Variants in BCL2L15 observed in about 807,000 individuals in gnomAD.
The protein encoded by BCL2L15 is BCL2 like 15, also known as bcl-2-like protein 15.
A neutral mutation model predicts 18.3 loss-of-function variants in BCL2L15; 15 were observed. The ratio of observed to expected loss-of-function variants is 0.82; its 90% confidence interval spans 0.55 to 1.26. BCL2L15 has a LOEUF of 1.26. Among genes scored for constraint, BCL2L15 ranks in the 50% most tolerant of loss-of-function variants. The pLI is 0.00. For synonymous variants in BCL2L15, 58 were observed against 68.5 expected, an observed-to-expected ratio of 0.85 and a Z score of 0.76; for missense variants, 180 against 201.7, an observed-to-expected ratio of 0.89 and a Z score of 0.65.
At chr1:113,881,568 A>G (rs1052063100) in intron 3 of BCL2L15, 11 of 1,412,684 alleles carry the variant, frequency 7.8e-6, no homozygotes, top group African/African-American at 1.4e-5. Flanking sequence ...TTAAGGTAGC[A>G]TGACTCGAGT....
chr1:113,879,479 A>G lies in BCL2L15; in HGVS notation c.*1644T>C, dbSNP rs1261025297. On this transcript the variant is annotated 3_prime_UTR_variant, in exon 4 of 4. Coordinates refer to ENST00000393316, the MANE Select transcript of BCL2L15 (RefSeq NM_001010922.3). The stretch of plus-strand genomic sequence containing the variant: ...CTCACTTGTAGGGCCAGAGAAATGG[A>G]CTACTCAGGAGCTACAGAGCTCTCT... 3 of 152,366 alleles carry G rather than the reference A, an allele frequency of 2.0e-5. No homozygotes were observed. Among genetic ancestry groups the G allele is most frequent in the Non-Finnish European group, 2.9e-5 (2 of 68,052 alleles). The allele number at this position is 152,366 out of a possible 1,614,324, so 9.4% of individuals were successfully genotyped here.
chr1:113,886,441 G>C lies in BCL2L15; in HGVS notation c.249+96C>G, dbSNP rs959406826. On this transcript the variant is annotated intron_variant, in intron 2 of 3. Coordinates refer to ENST00000393316, the MANE Select transcript of BCL2L15 (RefSeq NM_001010922.3). ...ATATAAGCACCCAAATATTTTCATA[G>C]AACATTCCTAGTCACTGTAGTATGG... 5 of 1,266,778 alleles carry C rather than the reference G, an allele frequency of 3.9e-6. No homozygotes were observed. In the African/African-American group the frequency reaches 7.6e-5, roughly 19 times the overall value. The allele number at this position is 1,266,778 out of a possible 1,614,324, so 78.5% of individuals were successfully genotyped here.
chr1:113,884,752 C>G (rs1283993790), intron 2 of BCL2L15, among the ~76,000 whole-genome samples: 1 of 151,476 alleles, frequency 6.6e-6, no homozygotes, highest in Non-Finnish European at 1.5e-5. Flanking sequence ...AAAACAAGTT[C>G]AAGTCAAATT....
Position 113,887,271 on chromosome 1 carries a change from G to C in BCL2L15, c.105C>G (p.Cys35Trp). ...PTLQVASRNL[C>W]CVDEVDSGEP... ...TACCTGAATCTACTTCATCTACACA[G>C]CATAGGTTCCGGCTGGCAACCTGCA... The change falls in exon 1 of 4, where the codon TGC (cysteine) becomes TGG (tryptophan). Residue 35 changes from cysteine (C) to tryptophan (W), a missense_variant. Physicochemically the swap from Cys to Trp is radical, Grantham distance 215. Coordinates refer to ENST00000393316, the MANE Select transcript of BCL2L15 (RefSeq NM_001010922.3). 6.2e-7 allele frequency: 1 copy of C among 1,614,124 alleles called. No individual in the cohort carries two copies. The highest frequency in any genetic ancestry group is 1.1e-5 in the South Asian group (1 of 91,076).
At position 113,887,495 on chromosome 1, in the gene BCL2L15, T is replaced by C; in HGVS notation, c.-120A>G. 7.2e-7 allele frequency: 1 copy of C among 1,393,642 alleles called. No homozygotes were observed. Among genetic ancestry groups the C allele is most frequent in the Non-Finnish European group, 9.9e-7 (1 of 1,012,712 alleles). The allele number at this position is 1,393,642 out of a possible 1,614,324, so 86.3% of individuals were successfully genotyped here. A position where few individuals can be genotyped will look rare whatever the true frequency, so the allele number is the denominator to read the frequency against. ...CTACCTCTTGTAGTTTCCTGACATGTAATCCTGGAACTTTTCCCACTAGCT... is the reference window on the plus strand; with the variant it reads ...CTACCTCTTGTAGTTTCCTGACATGCAATCCTGGAACTTTTCCCACTAGCT... On this transcript the variant is annotated 5_prime_UTR_variant, in exon 1 of 4. Transcript: ENST00000393316.
chr1:113,886,959 G>A (rs1667055746), intron 1 of BCL2L15, among the ~76,000 whole-genome samples: 1 of 150,736 alleles, frequency 6.6e-6, no homozygotes, highest in East Asian at 1.9e-4. Flanking sequence ...GTGCAGTGGC[G>A]TGATCTCAGC....
chr1:113,887,310 G>A lies in BCL2L15; in HGVS notation c.66C>T (p.Phe22=), dbSNP rs185505258. 3.2e-5 allele frequency: 51 copies of A among 1,614,204 alleles called. No homozygotes were observed. Among genetic ancestry groups the A allele is most frequent in the Admixed American group, 2.7e-4 (16 of 60,024 alleles). The change falls in exon 1 of 4, where the codon TTC becomes TTT. Residue 22 remains phenylalanine, a synonymous_variant. Coordinates refer to ENST00000393316, the MANE Select transcript of BCL2L15 (RefSeq NM_001010922.3). ...TGGCAACCTGCAATGTTGGGCTCAAGAAGTCCATGAGTAGAGTGTTCACAA... is the reference window on the plus strand; with the variant it reads ...TGGCAACCTGCAATGTTGGGCTCAAAAAGTCCATGAGTAGAGTGTTCACAA... The part of the protein sequence containing the change: ...ECIVNTLLMD[F]LSPTLQVASR...
chr1:113,887,378 T>C lies in BCL2L15; in HGVS notation c.-3A>G, dbSNP rs1312619429. On this transcript the variant is annotated 5_prime_UTR_variant, in exon 1 of 4. Transcript: ENST00000393316. ...TCAAAAGTTTGGGAGCTCTTCATTT[T>C]AGATGTTTGCTGTCAAGTTTTGCTT... 1 of 1,614,018 alleles carries C rather than the reference T, an allele frequency of 6.2e-7. No individual in the cohort carries two copies. Among genetic ancestry groups the C allele is most frequent in the African/African-American group, 1.3e-5 (1 of 74,930 alleles).
chr1:113,884,064 A>T (rs983111673), intron 2 of BCL2L15, among the ~76,000 whole-genome samples: 1 of 152,168 alleles, frequency 6.6e-6, no homozygotes, highest in Non-Finnish European at 1.5e-5. Flanking sequence ...TTTTGATGAG[A>T]TGTGGGATAT....
In BCL2L15 at chr1:113,880,588, T is replaced by G. The variant is rs1220504339; in HGVS notation, c.*535A>C. Reference sequence around the variant, plus strand: ...TTGCAGTGAGCTGAGATCGCACCACTGCACTCCAGCCTGGGTGACAGAGTG... The same window carrying G: ...TTGCAGTGAGCTGAGATCGCACCACGGCACTCCAGCCTGGGTGACAGAGTG... On this transcript the variant is annotated 3_prime_UTR_variant, in exon 4 of 4. Transcript: ENST00000393316. 6.5e-6 allele frequency: 1 copy of G among 153,554 alleles called. No homozygotes were observed. Among genetic ancestry groups the G allele is most frequent in the Non-Finnish European group, 1.4e-5 (1 of 69,392 alleles). 9.5% of individuals were successfully genotyped at this position (153,554 alleles called of 1,614,324 possible).
rs141500080 is a variant in BCL2L15, at chr1:113,878,726, G to C, written c.*2397C>G. 2.6e-3 allele frequency: 389 copies of C among 152,374 alleles called. 2 individuals carry two copies. The highest frequency in any genetic ancestry group is 8.9e-3 in the African/African-American group (371 of 41,528). The allele number at this position is 152,374 out of a possible 1,614,324, so 9.4% of individuals were successfully genotyped here. Reference sequence around the variant, plus strand: ...TTATAGTAACATAAGGGACAAAGGAGTACAAGTTTCTTAACTGGTAGCCAA... The same window carrying C: ...TTATAGTAACATAAGGGACAAAGGACTACAAGTTTCTTAACTGGTAGCCAA... On this transcript the variant is annotated 3_prime_UTR_variant, in exon 4 of 4. Transcript: ENST00000393316.
rs377157820 is a variant in BCL2L15, at chr1:113,879,501, C to A, written c.*1622G>T. ...TGGACTACTCAGGAGCTACAGAGCT[C>A]TCTGATTGGCTGAAGACCCAGAGAA... is the stretch of plus-strand genomic sequence containing the variant. On this transcript the variant is annotated 3_prime_UTR_variant, in exon 4 of 4. Coordinates refer to ENST00000393316, the MANE Select transcript of BCL2L15 (RefSeq NM_001010922.3). 1 of 152,330 alleles carries A rather than the reference C, an allele frequency of 6.6e-6. No individual in the cohort carries two copies. Among genetic ancestry groups the A allele is most frequent in the East Asian group, 1.9e-4 (1 of 5,336 alleles). 9.4% of individuals were successfully genotyped at this position (152,330 alleles called of 1,614,324 possible).
chr1:113,883,708 C>T (rs1294545204), intron 2 of BCL2L15, among the ~76,000 whole-genome samples: 4 of 152,052 alleles, frequency 2.6e-5, no homozygotes, highest in African/African-American at 9.7e-5. Flanking sequence ...TGCTTGAATC[C>T]GAGAGGCAGG....
Position 113,880,970 on chromosome 1 carries a change from TAACA to T in BCL2L15, c.*149_*152del, listed in dbSNP as rs1666862051. On this transcript the variant is annotated 3_prime_UTR_variant, in exon 4 of 4. Coordinates refer to ENST00000393316, the MANE Select transcript of BCL2L15 (RefSeq NM_001010922.3). ...GGCCTCTGGCAGCTGCTCCCAACTT[TAACA>T]ATCAGTAAAAAATAACTTATTCAGC... 1 of 1,133,932 alleles carries T rather than the reference TAACA, an allele frequency of 8.8e-7. No homozygotes were observed. The highest frequency in any genetic ancestry group is 1.6e-5 in the African/African-American group (1 of 64,480). 70.2% of individuals were successfully genotyped at this position (1,133,932 alleles called of 1,614,324 possible).
At chr1:113,887,186 C>G in intron 1 of BCL2L15, 63 bp downstream of exon 1, 1 of 1,512,488 alleles carries the variant, frequency 6.6e-7, no homozygotes, top group Non-Finnish European at 9.1e-7. Context: ...GAATCAGTCA[C>G]TGCGCCCGGC....
Position 113,879,793 on chromosome 1 carries a change from G to A in BCL2L15, c.*1330C>T, listed in dbSNP as rs932679003. On this transcript the variant is annotated 3_prime_UTR_variant, in exon 4 of 4. Transcript: ENST00000393316. ...AACTCTGCCATTGTAGCACAAAAGCGGCCATGGACAATATGTAAACAAGTG... is the reference window on the plus strand; with the variant it reads ...AACTCTGCCATTGTAGCACAAAAGCAGCCATGGACAATATGTAAACAAGTG... 1.3e-5 allele frequency: 2 copies of A among 152,104 alleles called. No homozygotes were observed. Among genetic ancestry groups the A allele is most frequent in the East Asian group, 1.9e-4 (1 of 5,208 alleles). 9.4% of individuals were successfully genotyped at this position (152,104 alleles called of 1,614,324 possible).
At chr1:113,884,337 C>T (rs901291978) in intron 2 of BCL2L15, among the ~76,000 whole-genome samples, 1 of 152,158 alleles carries the variant, frequency 6.6e-6, no homozygotes, top group African/African-American at 2.4e-5. Flanking sequence ...AAGGGACATT[C>T]AACAAGATAG....
At chr1:113,882,755 A>T (rs1666916236) in intron 2 of BCL2L15, among the ~76,000 whole-genome samples, 1 of 152,088 alleles carries the variant, frequency 6.6e-6, no homozygotes, top group South Asian at 2.1e-4. Flanking sequence ...CCTGGGCAAC[A>T]TATTGAGACC....
chr1:113,883,209 G>A (rs1420861155), intron 2 of BCL2L15, among the ~76,000 whole-genome samples: 2 of 152,086 alleles, frequency 1.3e-5, no homozygotes, highest in African/African-American at 4.8e-5. Context: ...GAGGCCGGGC[G>A]CAGTGGCTCA....
Sources: allele counts gnomAD v4.1 joint callset (sites outside exome capture counted in the v4.1 genomes callset), GRCh38; gene constraint gnomAD v4.1.1; transcripts MANE v1.5; gene names NCBI Gene and HGNC (gene_info 2026-07-23, HGNC 2026-07-21).